The following PPP2R2B variants were observed in gnomAD, a reference collection of about 807,000 sequenced individuals.
PPP2R2B encodes the protein protein phosphatase 2 regulatory subunit Bbeta.
Under a neutral mutation model 46.0 loss-of-function variants are expected in PPP2R2B, and 5 were observed. That is an observed-to-expected ratio of 0.11 (90% CI 0.06 to 0.23). The LOEUF (loss-of-function observed/expected upper bound fraction) is 0.23, where lower values mean the gene tolerates loss of function less well. PPP2R2B is among the 10% of genes least tolerant of loss of function. The pLI, the probability that PPP2R2B is intolerant of heterozygous loss-of-function variation, is 1.00. For missense variants in PPP2R2B, 367 were observed against 575.0 expected, an observed-to-expected ratio of 0.64 and a Z score of 3.70; for synonymous variants, 215 against 206.7, an observed-to-expected ratio of 1.04 and a Z score of -0.34.
chr5:146,895,753 G>C (rs1195541083), intron 1 of PPP2R2B, among the ~76,000 whole-genome samples: 1 of 152,080 alleles, frequency 6.6e-6, no homozygotes, highest in Non-Finnish European at 1.5e-5. Context: ...GGCTTCTCTT[G>C]AAATAAATGT....
intron 1 of PPP2R2B, among the ~76,000 whole-genome samples, chr5:147,015,991 C>T (rs1754987497): frequency 6.6e-6 from 1 of 151,452 alleles, no homozygotes; most frequent in Non-Finnish European, 1.5e-5. Flanking sequence ...TCTACACACA[C>T]ATAGATACTC....
At chr5:146,692,565 G>A (rs369915420) in intron 4 of PPP2R2B, among the ~76,000 whole-genome samples, 11 of 127,860 alleles carry the variant, frequency 8.6e-5, no homozygotes, top group Non-Finnish European at 1.3e-4. Flanking sequence ...ACAGAGTCTC[G>A]CATTTTCACC....
rs566242804 is a variant in PPP2R2B at position 146,919,602 on chromosome 5, C to T, written c.79+136063G>A. ...ACAGGCTCTGTCTTCCGCACATTCT[C>T]CCATACCAGCGCCCACTTCTGTGGG... On this transcript the variant is annotated intron_variant, in intron 1 of 8. Coordinates refer to the PPP2R2B transcript ENST00000336640. The T allele has an allele frequency of 9.2e-5, 14 of 152,354 alleles. No homozygotes were observed. The East Asian group carries it at 2.5e-3, about 27-fold the overall frequency. 9.4% of individuals were successfully genotyped at this position (152,354 alleles called of 1,614,324 possible).
chr5:146,932,754 C>A (rs1764009387), intron 1 of PPP2R2B, among the ~76,000 whole-genome samples: 1 of 152,166 alleles, frequency 6.6e-6, no homozygotes, highest in African/African-American at 2.4e-5. Context: ...CTTCTCCTAG[C>A]TTTCTTCTTC....
chr5:147,031,414 T>G (rs1364970165), intron 1 of PPP2R2B, among the ~76,000 whole-genome samples: 1 of 152,110 alleles, frequency 6.6e-6, no homozygotes, highest in African/African-American at 2.4e-5. Context: ...AGTATGTGTT[T>G]CTCTCTATTT....
At chr5:147,031,641 TACTA>T (rs1755790523) in intron 1 of PPP2R2B, among the ~76,000 whole-genome samples, 1 of 152,194 alleles carries the variant, frequency 6.6e-6, no homozygotes, top group Non-Finnish European at 1.5e-5. Context: ...AAAAATATGT[TACTA>T]TGTCCCTTGT....
At chr5:146,849,492 A>G (rs1414529918) in intron 2 of PPP2R2B, among the ~76,000 whole-genome samples, 2 of 152,250 alleles carry the variant, frequency 1.3e-5, no homozygotes, top group African/African-American at 2.4e-5. Context: ...TGCTTGGCAC[A>G]TATAATGTAC....
intron 2 of PPP2R2B, among the ~76,000 whole-genome samples, chr5:146,721,489 C>T (rs991978700): frequency 1.3e-5 from 2 of 152,216 alleles, no homozygotes; most frequent in Admixed American, 1.3e-4. Context: ...GTAGGATTCT[C>T]TTTGATTTGC....
intron 2 of PPP2R2B, among the ~76,000 whole-genome samples, chr5:146,871,176 T>C (rs1425724744): frequency 1.3e-5 from 2 of 152,204 alleles, no homozygotes; most frequent in Non-Finnish European, 2.9e-5. Context: ...TTCTTATTAA[T>C]GGAAGATGAG....
At chr5:146,638,093 T>A (rs1229179138) in intron 7 of PPP2R2B, among the ~76,000 whole-genome samples, 158 bp downstream of exon 7, 1 of 152,268 alleles carries the variant, frequency 6.6e-6, no homozygotes, top group Non-Finnish European at 1.5e-5. Context: ...CAAATGTTCA[T>A]CTTTACTGAA....
intron 5 of PPP2R2B, among the ~76,000 whole-genome samples, chr5:146,685,605 G>A (rs148921786): frequency 1.6e-3 from 246 of 152,332 alleles, no homozygotes; most frequent in African/African-American, 4.9e-3. Flanking sequence ...TCATTCAGGA[G>A]TCAGAGCTGG....
At position 146,590,102 on chromosome 5, in the gene PPP2R2B, C is replaced by A. The variant is rs2150996439; in HGVS notation, c.1177G>T (p.Val393Leu). The A allele has an allele frequency of 6.2e-7, 1 of 1,614,142 alleles. No homozygotes were observed. The highest frequency in any genetic ancestry group is 8.5e-7 in the Non-Finnish European group (1 of 1,180,030). Residue 393 changes from valine (V) to leucine (L), a missense_variant, in exon 10 of 10, where the codon GTG (valine) becomes TTG (leucine). This residue lies in a region of PPP2R2B where 361 missense variants were observed against 545.5 expected (regional missense o/e 0.66). Coordinates refer to ENST00000394411, the MANE Select transcript of PPP2R2B (RefSeq NM_181675.4). ...TTTCTCCGCTTGCCCCCCACACACA[C>A]TTTTCGGGGTTTGAGGATAGCCCGG... The part of the protein sequence containing the change: ...KPRAILKPRK[V>L]CVGGKRRKDE...
At chr5:146,677,608 G>A (rs1372567635) in intron 5 of PPP2R2B, among the ~76,000 whole-genome samples, 1 of 136,466 alleles carries the variant, frequency 7.3e-6, no homozygotes, top group African/African-American at 2.7e-5. Flanking sequence ...GCCTGATCTC[G>A]GCTCACTGCA....
intron 1 of PPP2R2B, among the ~76,000 whole-genome samples, chr5:147,042,041 T>C (rs1281887062): frequency 6.6e-6 from 1 of 152,146 alleles, no homozygotes; most frequent in Non-Finnish European, 1.5e-5. Context: ...ACTGATAAGA[T>C]ACTGTGGCGA....
chr5:146,772,955 C>A (rs965426751), intron 2 of PPP2R2B, among the ~76,000 whole-genome samples: 2 of 152,182 alleles, frequency 1.3e-5, no homozygotes, highest in Non-Finnish European at 2.9e-5. Flanking sequence ...CTGTAAAGGA[C>A]AAGACTTAAG....
chr5:146,656,075 C>A (rs1181650381), intron 5 of PPP2R2B, among the ~76,000 whole-genome samples: 1 of 152,176 alleles, frequency 6.6e-6, no homozygotes, highest in Non-Finnish European at 1.5e-5. Context: ...TCCTCAATAG[C>A]AGACATATTC....
chr5:146,721,750 A>G lies in PPP2R2B; in HGVS notation c.71-20608T>C, dbSNP rs547022898. Among the ~76,000 whole-genome samples, 13 of 152,362 alleles carry G rather than the reference A, an allele frequency of 8.5e-5. No homozygotes were observed. In the East Asian group the frequency reaches 1.7e-3, roughly 20 times the overall value. Reference sequence around the variant, plus strand: ...GAAGCACTTTGCTCTCATTCACTCAACAAACATTTATCAGGAGCCCACTGT... The same window carrying G: ...GAAGCACTTTGCTCTCATTCACTCAGCAAACATTTATCAGGAGCCCACTGT... On this transcript the variant is annotated intron_variant, in intron 2 of 9. Coordinates refer to ENST00000394411, the MANE Select transcript of PPP2R2B (RefSeq NM_181675.4).
At chr5:146,950,832 G>A (rs1474975916) in intron 1 of PPP2R2B, among the ~76,000 whole-genome samples, 1 of 151,850 alleles carries the variant, frequency 6.6e-6, no homozygotes, top group Non-Finnish European at 1.5e-5. Context: ...GCACAAAATA[G>A]GATACAAACA....
At chr5:147,069,673 G>T (rs1757516671) in intron 2 of PPP2R2B, among the ~76,000 whole-genome samples, 1 of 151,676 alleles carries the variant, frequency 6.6e-6, no homozygotes, top group Admixed American at 6.6e-5. Context: ...TCATTATTTG[G>T]GTCTTAGCTT....
Sources: gnomAD v4.1 joint callset for allele counts (sites outside exome capture counted in the v4.1 genomes callset) on GRCh38, gnomAD v4.1.1 for gene constraint, gnomAD v4.1.1 regional missense constraint, MANE v1.5 for transcripts, NCBI Gene and HGNC (gene_info 2026-07-23, HGNC 2026-07-21) for gene names.